SH3D19: variants seen among roughly 807,000 people sequenced by gnomAD.
The protein encoded by SH3D19 is SH3 domain-containing protein 19.
In SH3D19, 58 loss-of-function variants were observed where a neutral mutation model predicts 112.1. The ratio of observed to expected loss-of-function variants is 0.52; its 90% CI spans 0.42 to 0.64. The LOEUF (loss-of-function observed/expected upper bound fraction) is 0.64, where lower values mean the gene tolerates loss of function less well. Among genes scored for constraint, SH3D19 ranks in the 30% least tolerant of loss-of-function variants. The probability of loss-of-function intolerance (pLI) is 0.00; values close to 1 mark genes in which losing one functional copy is unlikely to be tolerated. For synonymous variants in SH3D19, 391 were observed against 448.5 expected (o/e 0.87, Z 1.62); for missense variants, 1,090 against 1,263.4 (o/e 0.86, Z 2.08).
chr4:151,255,395 C>T (rs937553259), intron 1 of SH3D19, among the ~76,000 whole-genome samples: 2 of 150,390 alleles, frequency 1.3e-5, no homozygotes, highest in African/African-American at 2.5e-5. Flanking sequence ...GACGGGGCAG[C>T]GGGGCAGAGG....
intron 19 of SH3D19, among the ~76,000 whole-genome samples, chr4:151,124,441 G>A (rs912148966): frequency 1.9e-4 from 29 of 151,824 alleles, no homozygotes; most frequent in African/African-American, 6.0e-4. Context: ...AGTTTTGGCC[G>A]GGTGCAGTGG....
chr4:151,166,705 C>T (rs1361424766), intron 7 of SH3D19, among the ~76,000 whole-genome samples: 1 of 152,158 alleles, frequency 6.6e-6, no homozygotes, highest in African/African-American at 2.4e-5. Flanking sequence ...ACTATGCACT[C>T]CATAGCTCCT....
rs1760458072 is a variant in SH3D19 at position 151,179,350 on chromosome 4, C to T, written c.236+5G>A. On this transcript the variant is annotated splice_donor_5th_base_variant and intron_variant, in intron 4 of 19. Coordinates refer to ENST00000604030, the MANE Select transcript of SH3D19 (RefSeq NM_001378122.1). Reference sequence around the variant, plus strand: ...ATATGTCCTCCATTATAAATATAACCATACCTTCTATCTCGATGAAGTTCA... The same window carrying T: ...ATATGTCCTCCATTATAAATATAACTATACCTTCTATCTCGATGAAGTTCA... 5.7e-6 allele frequency: 7 copies of T among 1,225,868 alleles called. No homozygotes were observed. The highest frequency in any genetic ancestry group is 8.3e-5 in the South Asian group (2 of 24,184). The allele number at this position is 1,225,868 out of a possible 1,614,324, so 75.9% of individuals were successfully genotyped here. A position where few individuals can be genotyped will look rare whatever the true frequency, so the allele number is the denominator to read the frequency against.
intron 1 of SH3D19, among the ~76,000 whole-genome samples, chr4:151,243,917 GGAGTAC>G (rs1770740174): frequency 2.0e-5 from 3 of 152,186 alleles, no homozygotes; most frequent in Non-Finnish European, 2.9e-5. Context: ...AACTGAACAA[GGAGTAC>G]ATCTCCAAAT....
intron 1 of SH3D19, among the ~76,000 whole-genome samples, chr4:151,277,485 T>C (rs1275897628): frequency 1.3e-5 from 2 of 152,080 alleles, no homozygotes; most frequent in Non-Finnish European, 2.9e-5. Context: ...ATTATAAGGC[T>C]TGTTAGAAGG....
intron 1 of SH3D19, among the ~76,000 whole-genome samples, chr4:151,321,608 T>A (rs1730541588): frequency 6.6e-6 from 1 of 152,116 alleles, no homozygotes; most frequent in African/African-American, 2.4e-5. Flanking sequence ...TTTCATCTGA[T>A]CTACTAAAAA....
chr4:151,241,942 C>G (rs912515315), intron 1 of SH3D19, among the ~76,000 whole-genome samples: 4 of 152,066 alleles, frequency 2.6e-5, no homozygotes, highest in African/African-American at 9.7e-5. Context: ...CCTGTAATCC[C>G]AGCATTTTGG....
chr4:151,176,759 T>C, intron 5 of SH3D19, 58 bp downstream of exon 5: 13 of 1,230,094 alleles, frequency 1.1e-5, no homozygotes, highest in Non-Finnish European at 1.2e-5. Flanking sequence ...TCACTGTTCT[T>C]ATCTTCCAAT....
chr4:151,275,599 T>C (rs1013546006), intron 1 of SH3D19, among the ~76,000 whole-genome samples: 10 of 152,086 alleles, frequency 6.6e-5, no homozygotes, highest in East Asian at 3.9e-4. Context: ...ATAGCTCATG[T>C]AGCCTTGAAC....
chr4:151,325,278 G>A lies in SH3D19; in HGVS notation c.75C>T (p.Arg25=). The change falls in exon 1 of 20, where the codon CGC becomes CGT. Residue 25 remains arginine (R), a synonymous_variant. Transcript: ENST00000604030. ...RERRELGGQR[R]ARGRALSGHS... ...GGCCCGAGAGCGCACGGCCCCGGGC[G>A]CGGCGCTGGCCACCAAGTTCGCGGC... is the stretch of plus-strand genomic sequence containing the variant. 1 of 1,221,688 alleles carries A rather than the reference G, an allele frequency of 8.2e-7. No homozygotes were observed. The highest frequency in any genetic ancestry group is 1.0e-6 in the Non-Finnish European group (1 of 981,414). 75.7% of individuals were successfully genotyped at this position (1,221,688 alleles called of 1,614,324 possible).
chr4:151,210,729 G>A (rs1765839358), intron 2 of SH3D19, among the ~76,000 whole-genome samples: 2 of 152,058 alleles, frequency 1.3e-5, no homozygotes, highest in African/African-American at 4.8e-5. Context: ...AGTACACCAA[G>A]TATGCACAAA....
intron 2 of SH3D19, among the ~76,000 whole-genome samples, chr4:151,222,681 T>C (rs1357971014): frequency 2.1e-5 from 3 of 145,928 alleles, no homozygotes; most frequent in African/African-American, 5.0e-5. Context: ...TTTTTTTTTT[T>C]TTTTTTTTTG....
At chr4:151,248,817 C>CA (rs1771139978) in intron 1 of SH3D19, among the ~76,000 whole-genome samples, 1 of 152,060 alleles carries the variant, frequency 6.6e-6, no homozygotes, top group Non-Finnish European at 1.5e-5. Flanking sequence ...GTAAACAAAA[C>CA]AAAACAAAAC....
In SH3D19 at chr4:151,176,513, A is replaced by G. The variant is rs1759984138; in HGVS notation, c.529+21T>C. 7.3e-6 allele frequency: 9 copies of G among 1,231,950 alleles called. No individual in the cohort carries two copies. The South Asian group carries it at 2.1e-4, about 28-fold the overall frequency. 76.3% of individuals were successfully genotyped at this position (1,231,950 alleles called of 1,614,324 possible). A position where few individuals can be genotyped will look rare whatever the true frequency, so the allele number is the denominator to read the frequency against. ...CCCTAGAACTAGGTCAGAATTAGGG[A>G]AGACAAATTACTTGCATTACTTTGA... On this transcript the variant is annotated intron_variant, in intron 6 of 19. Coordinates refer to ENST00000604030, the MANE Select transcript of SH3D19 (RefSeq NM_001378122.1).
At chr4:151,309,328 G>C (rs1352047585) in intron 1 of SH3D19, among the ~76,000 whole-genome samples, 4 of 152,164 alleles carry the variant, frequency 2.6e-5, no homozygotes, top group Non-Finnish European at 5.9e-5. Context: ...TCTTTATGTG[G>C]AGCCTACTTA....
At chr4:151,296,018 G>A (rs1775680310) in intron 1 of SH3D19, among the ~76,000 whole-genome samples, 1 of 132,370 alleles carries the variant, frequency 7.6e-6, no homozygotes, top group African/African-American at 2.7e-5. Flanking sequence ...CCTGGCGACA[G>A]AGCAAGGCTC....
chr4:151,143,818 T>G, intron 12 of SH3D19, 92 bp downstream of exon 12: 1 of 1,381,182 alleles, frequency 7.2e-7, no homozygotes, highest in Middle Eastern at 2.0e-4. Flanking sequence ...ATAAATGTGC[T>G]AATAAAAACC....
At chr4:151,305,189 A>G (rs975324246) in intron 1 of SH3D19, among the ~76,000 whole-genome samples, 3 of 152,222 alleles carry the variant, frequency 2.0e-5, no homozygotes, top group Non-Finnish European at 2.9e-5. Context: ...AATATTCAAA[A>G]TGTTCAGTTT....
chr4:151,179,361 T>A lies in SH3D19; in HGVS notation c.230A>T (p.Asp77Val), dbSNP rs1048763642. The A allele has an allele frequency of 9.0e-6, 11 of 1,228,960 alleles. No homozygotes were observed. Among genetic ancestry groups the A allele is most frequent in the South Asian group, 4.1e-5 (1 of 24,246 alleles). 76.1% of individuals were successfully genotyped at this position (1,228,960 alleles called of 1,614,324 possible). A position where few individuals can be genotyped will look rare whatever the true frequency, so the allele number is the denominator to read the frequency against. The change falls in exon 4 of 20, where the codon GAT (aspartate) becomes GTT (valine). Residue 77 changes from aspartate to valine, a missense_variant. Coordinates refer to ENST00000604030, the MANE Select transcript of SH3D19 (RefSeq NM_001378122.1). Reference protein sequence around the residue: ...RTSIQSELHRDRRRPEITIVA... With the variant: ...RTSIQSELHRVRRRPEITIVA... ...ATTATAAATATAACCATACCTTCTA[T>A]CTCGATGAAGTTCACTCTGAATAGA... is the stretch of plus-strand genomic sequence containing the variant.
Sources: allele counts gnomAD v4.1 joint callset (sites outside exome capture counted in the v4.1 genomes callset), GRCh38; gene constraint gnomAD v4.1.1; transcripts MANE v1.5; gene names NCBI Gene and HGNC (gene_info 2026-07-23, HGNC 2026-07-21).